GRIP1: variants seen among roughly 807,000 people sequenced by gnomAD.
The protein encoded by GRIP1 is glutamate receptor interacting protein 1.
A neutral mutation model predicts 129.9 loss-of-function variants in GRIP1; 45 were observed. The observed-to-expected ratio is 0.35, with a 90% CI of 0.27 to 0.44. GRIP1 has a LOEUF of 0.44. Ranked by LOEUF, GRIP1 falls within the 20% of genes least tolerant of loss-of-function variation. GRIP1 has a pLI of 1.00. For synonymous variants in GRIP1, 530 were observed against 520.8 expected, an observed-to-expected ratio of 1.02 and a Z score of -0.24; for missense variants, 1,196 against 1,396.8, an observed-to-expected ratio of 0.86 and a Z score of 2.29.
chr12:67,031,710 CT>C lies in GRIP1; in HGVS notation c.58+37339del, dbSNP rs527845477. Among the ~76,000 whole-genome samples the C allele has an allele frequency of 8.5e-5, 13 of 152,280 alleles. No homozygotes were observed. In the South Asian group the frequency reaches 2.7e-3, roughly 32 times the overall value. ...CCTCAGGATTATCTTTTATTCCTTC[CT>C]CTTTTTTATTTGCCTACATCAAATC... is the stretch of plus-strand genomic sequence containing the variant. On this transcript the variant is annotated intron_variant, in intron 1 of 1. Transcript: ENST00000643019.
chr12:66,869,537 T>C (rs889878681), intron 1 of GRIP1, among the ~76,000 whole-genome samples: 3 of 152,122 alleles, frequency 2.0e-5, no homozygotes, highest in African/African-American at 7.2e-5. Flanking sequence ...AACATGTAAA[T>C]AATTTGGCTG....
chr12:66,556,827 A>G (rs1565858742), intron 2 of GRIP1, among the ~76,000 whole-genome samples: 1 of 152,094 alleles, frequency 6.6e-6, no homozygotes, highest in East Asian at 1.9e-4. Flanking sequence ...CATACAACAG[A>G]TACATAAAGT....
At chr12:66,864,689 CAGAG>C (rs2040172135) in intron 1 of GRIP1, among the ~76,000 whole-genome samples, 1 of 152,046 alleles carries the variant, frequency 6.6e-6, no homozygotes, top group Admixed American at 6.6e-5. Context: ...GCCTGGGTGA[CAGAG>C]AGAGACCCTG....
rs2138926930 is a variant in GRIP1, at chr12:66,515,641, T to C, written c.702A>G (p.Ile234Met). 10 of 1,613,548 alleles carry C rather than the reference T, an allele frequency of 6.2e-6. No individual in the cohort carries two copies. The East Asian group carries it at 6.7e-5, about 11-fold the overall frequency. Residue 234 changes from isoleucine to methionine, a missense_variant, in exon 7 of 25, where the codon ATA becomes ATG. By Grantham distance (10) the Ile-to-Met change is conservative (BLOSUM62 1). Transcript: ENST00000359742. The part of the protein sequence containing the change: ...KQCGQEAALL[I>M]EYDVSVMDSV... ...TACCCATTACTGAGACATCATATTC[T>C]ATCAGCAGTGCTGCTTCTTGTCCAC...
At chr12:66,387,241 C>G (rs1303764354) in intron 19 of GRIP1, among the ~76,000 whole-genome samples, 1 of 152,174 alleles carries the variant, frequency 6.6e-6, no homozygotes, top group Non-Finnish European at 1.5e-5. Context: ...TACATGTGAT[C>G]CCATCTGGCA....
intron 16 of GRIP1, among the ~76,000 whole-genome samples, chr12:66,402,381 T>G (rs1478397456): frequency 6.6e-6 from 1 of 152,154 alleles, no homozygotes; most frequent in African/African-American, 2.4e-5. Flanking sequence ...TCATAGACAA[T>G]AAACGAATGC....
At chr12:66,697,827 T>C (rs998600492) in intron 1 of GRIP1, among the ~76,000 whole-genome samples, 1 of 152,194 alleles carries the variant, frequency 6.6e-6, no homozygotes, top group African/African-American at 2.4e-5. Context: ...ATTCAAACTA[T>C]GTTTCTCATG....
intron 1 of GRIP1, among the ~76,000 whole-genome samples, chr12:66,934,848 A>G (rs1243260967): frequency 2.0e-5 from 3 of 152,174 alleles, no homozygotes; most frequent in African/African-American, 7.2e-5. Context: ...CTGTTGTGAG[A>G]TTTACCCTGT....
chr12:66,717,383 T>TAAA (rs11403679), intron 1 of GRIP1, among the ~76,000 whole-genome samples: 3 of 146,682 alleles, frequency 2.0e-5, no homozygotes, highest in Non-Finnish European at 3.0e-5. Context: ...TTGCTCACTG[T>TAAA]AAAAAAAAAA....
intron 2 of GRIP1, among the ~76,000 whole-genome samples, chr12:66,559,959 A>G (rs1442697612): frequency 6.6e-6 from 1 of 152,208 alleles, no homozygotes; most frequent in Non-Finnish European, 1.5e-5. Flanking sequence ...TGGTACTGGC[A>G]TAAAAACAGA....
intron 1 of GRIP1, among the ~76,000 whole-genome samples, chr12:66,827,818 A>G (rs1388537380): frequency 6.6e-6 from 1 of 152,252 alleles, no homozygotes; most frequent in Non-Finnish European, 1.5e-5. Context: ...AAAATTAGAT[A>G]GACATGTGTC....
intron 2 of GRIP1, among the ~76,000 whole-genome samples, chr12:66,592,435 AG>A (rs374081275): frequency 2.6e-5 from 4 of 152,332 alleles, no homozygotes; most frequent in African/African-American, 7.2e-5. Flanking sequence ...GGAGGGGAAA[AG>A]AAATCCCACA....
intron 1 of GRIP1, among the ~76,000 whole-genome samples, chr12:66,726,567 T>C (rs2036259952): frequency 6.6e-6 from 1 of 152,212 alleles, no homozygotes; most frequent in Non-Finnish European, 1.5e-5. Context: ...GATTGTGATC[T>C]GGGGGCATGA....
At chr12:66,620,443 G>C (rs1405420989) in intron 1 of GRIP1, among the ~76,000 whole-genome samples, 1 of 152,088 alleles carries the variant, frequency 6.6e-6, no homozygotes, top group Non-Finnish European at 1.5e-5. Context: ...ATTTTCCTTT[G>C]ATTCACATTC....
chr12:66,389,497 G>A (rs1466144372), intron 19 of GRIP1, among the ~76,000 whole-genome samples: 1 of 152,132 alleles, frequency 6.6e-6, no homozygotes, highest in Admixed American at 6.5e-5. Flanking sequence ...CAAAGTGCTG[G>A]GAATATAGGC....
At chr12:67,010,192 G>A (rs2042684322) in intron 1 of GRIP1, among the ~76,000 whole-genome samples, 1 of 152,108 alleles carries the variant, frequency 6.6e-6, no homozygotes, top group Non-Finnish European at 1.5e-5. Flanking sequence ...AAGCTAAGAG[G>A]ATAGGTAATA....
chr12:66,361,383 C>G (rs1393205366), intron 23 of GRIP1, among the ~76,000 whole-genome samples: 1 of 152,130 alleles, frequency 6.6e-6, no homozygotes, highest in Non-Finnish European at 1.5e-5. Flanking sequence ...TATAAGCAAG[C>G]CAGGGGCTAC....
intron 1 of GRIP1, among the ~76,000 whole-genome samples, chr12:66,600,002 T>G (rs2064209432): frequency 6.6e-6 from 1 of 152,210 alleles, no homozygotes; most frequent in Non-Finnish European, 1.5e-5. Context: ...GTGGGCACAC[T>G]GTACCAGCAG....
At chr12:66,543,605 G>A (rs1324940170) in intron 2 of GRIP1, among the ~76,000 whole-genome samples, 1 of 152,120 alleles carries the variant, frequency 6.6e-6, no homozygotes, top group Non-Finnish European at 1.5e-5. Flanking sequence ...TGATATTGAA[G>A]ACATCACCTT....
Sources: gnomAD v4.1 joint callset for allele counts (sites outside exome capture counted in the v4.1 genomes callset) on GRCh38, gnomAD v4.1.1 for gene constraint, MANE v1.5 for transcripts, NCBI Gene and HGNC (gene_info 2026-07-23, HGNC 2026-07-21) for gene names.